The following GRID1 variants were observed in gnomAD, a reference collection of about 807,000 sequenced individuals.
GRID1 encodes glutamate ionotropic receptor delta type subunit 1, also known as glutamate receptor ionotropic, delta-1.
Under a neutral mutation model 98.0 loss-of-function variants are expected in GRID1, and 28 were observed. The observed-to-expected ratio is 0.29, with a 90% CI of 0.21 to 0.39. GRID1 has a LOEUF of 0.39. GRID1 is among the 10% of genes least tolerant of loss of function. The pLI is 1.00. For synonymous variants in GRID1, 553 were observed against 538.5 expected (o/e 1.03, Z -0.37); for missense variants, 1,111 against 1,340.5 (o/e 0.83, Z 2.67).
At chr10:85,950,779 G>T (rs190230071) in intron 4 of GRID1, among the ~76,000 whole-genome samples, 28 of 152,276 alleles carry the variant, frequency 1.8e-4, no homozygotes, top group Non-Finnish European at 3.5e-4. Context: ...CCAGAACAAA[G>T]GCTACAGTCC....
intron 8 of GRID1, among the ~76,000 whole-genome samples, chr10:85,831,711 A>C (rs1842868775): frequency 6.6e-6 from 1 of 152,104 alleles, no homozygotes; most frequent in Non-Finnish European, 1.5e-5. Context: ...GCCTCTAATA[A>C]ACCCTGGGTC....
At chr10:86,357,822 T>C (rs1001549452) in intron 2 of GRID1, among the ~76,000 whole-genome samples, 1 of 152,068 alleles carries the variant, frequency 6.6e-6, no homozygotes, top group Non-Finnish European at 1.5e-5. Flanking sequence ...CATCCACAGC[T>C]GTTATCACTG....
chr10:85,643,329 T>G (rs558338111), intron 13 of GRID1, among the ~76,000 whole-genome samples: 3 of 152,278 alleles, frequency 2.0e-5, no homozygotes, highest in Admixed American at 1.3e-4. Flanking sequence ...GGAGAGGCTG[T>G]TCCTCCCTGA....
intron 4 of GRID1, among the ~76,000 whole-genome samples, chr10:86,089,425 C>T (rs1435752795): frequency 1.3e-5 from 2 of 152,116 alleles, no homozygotes; most frequent in African/African-American, 2.4e-5. Flanking sequence ...ACAGCAACCC[C>T]CTCACCAGAG....
chr10:86,124,401 C>A (rs537651416), intron 4 of GRID1, among the ~76,000 whole-genome samples: 1 of 152,310 alleles, frequency 6.6e-6, no homozygotes, highest in Admixed American at 6.5e-5. Flanking sequence ...TCATTCCAGC[C>A]TCAGGACCAC....
At chr10:86,143,101 C>G (rs182921986) in intron 3 of GRID1, among the ~76,000 whole-genome samples, 325 of 152,300 alleles carry the variant, frequency 2.1e-3, no homozygotes, top group African/African-American at 7.3e-3. Flanking sequence ...CTCCTCACAC[C>G]TGAAATCAGT....
intron 4 of GRID1, among the ~76,000 whole-genome samples, chr10:85,956,880 C>T (rs1477546378): frequency 1.3e-5 from 2 of 152,064 alleles, no homozygotes; most frequent in African/African-American, 2.4e-5. Context: ...TGTATCAGTT[C>T]GTTTTCAGGT....
intron 4 of GRID1, among the ~76,000 whole-genome samples, chr10:86,032,104 T>G (rs1256853730): frequency 6.6e-6 from 1 of 152,240 alleles, no homozygotes; most frequent in East Asian, 1.9e-4. Flanking sequence ...TTCACTGCAA[T>G]GTAGGCTCCA....
chr10:85,670,484 A>C (rs1841072583), intron 12 of GRID1, among the ~76,000 whole-genome samples: 1 of 152,204 alleles, frequency 6.6e-6, no homozygotes, highest in African/African-American at 2.4e-5. Context: ...GATACCTCAG[A>C]AAAAGGGTCA....
chr10:85,829,946 T>C (rs879449328), intron 8 of GRID1, among the ~76,000 whole-genome samples: 1 of 152,118 alleles, frequency 6.6e-6, no homozygotes, highest in Non-Finnish European at 1.5e-5. Flanking sequence ...CTTCACAGAA[T>C]TGGAAAAAAC....
chr10:85,617,986 C>T (rs562812715), intron 14 of GRID1, among the ~76,000 whole-genome samples: 7 of 152,328 alleles, frequency 4.6e-5, no homozygotes, highest in Non-Finnish European at 7.3e-5. Context: ...GCAAGGCTTA[C>T]GATATTGGAG....
chr10:86,357,466 C>G (rs1270158890), intron 2 of GRID1, among the ~76,000 whole-genome samples: 1 of 152,220 alleles, frequency 6.6e-6, no homozygotes, highest in African/African-American at 2.4e-5. Flanking sequence ...AGGGCTAAGC[C>G]ATGGCAATAA....
chr10:85,628,695 T>C (rs915519193), intron 13 of GRID1, among the ~76,000 whole-genome samples: 3 of 152,156 alleles, frequency 2.0e-5, no homozygotes, highest in Non-Finnish European at 4.4e-5. Flanking sequence ...GATCAGACTC[T>C]GGACCAGCAA....
intron 3 of GRID1, among the ~76,000 whole-genome samples, chr10:86,155,639 G>C (rs1354288718): frequency 6.6e-6 from 1 of 152,196 alleles, no homozygotes; most frequent in Non-Finnish European, 1.5e-5. Context: ...GCAATCAGAG[G>C]TGTCAGAAGC....
At chr10:86,350,732 T>A (rs533889066) in intron 2 of GRID1, among the ~76,000 whole-genome samples, 2 of 152,294 alleles carry the variant, frequency 1.3e-5, no homozygotes, top group African/African-American at 4.8e-5. Context: ...CAATGTGTAA[T>A]GATCACATCA....
At chr10:86,207,478 T>C (rs931823723) in intron 2 of GRID1, among the ~76,000 whole-genome samples, 1 of 152,164 alleles carries the variant, frequency 6.6e-6, no homozygotes. Context: ...GCGCCCCTTG[T>C]AGCCACGTGC....
chr10:85,811,832 G>A (rs1842674528), intron 8 of GRID1, among the ~76,000 whole-genome samples: 1 of 152,096 alleles, frequency 6.6e-6, no homozygotes, highest in Non-Finnish European at 1.5e-5. Flanking sequence ...GAGAGAGATG[G>A]ACATCCAGGT....
chr10:85,915,825 A>C (rs1589297645), intron 5 of GRID1, among the ~76,000 whole-genome samples: 1 of 151,644 alleles, frequency 6.6e-6, no homozygotes, highest in Non-Finnish European at 1.5e-5. Context: ...TTCCTCTCCT[A>C]CTCATTCCTT....
At chr10:86,253,380 C>T (rs576822437) in intron 2 of GRID1, among the ~76,000 whole-genome samples, 3 of 152,350 alleles carry the variant, frequency 2.0e-5, no homozygotes, top group Admixed American at 1.3e-4. Flanking sequence ...GAGATAAGAA[C>T]GCTCTTCCTG....
Sources: gnomAD v4.1 joint callset for allele counts (sites outside exome capture counted in the v4.1 genomes callset) on GRCh38, gnomAD v4.1.1 for gene constraint, MANE v1.5 for transcripts, NCBI Gene and HGNC (gene_info 2026-07-23, HGNC 2026-07-21) for gene names.